Variants in SGCZ observed in about 807,000 individuals in gnomAD.
The protein encoded by SGCZ is sarcoglycan zeta.
In SGCZ, 40 loss-of-function variants were observed where a neutral mutation model predicts 41.3. The ratio of observed to expected loss-of-function variants is 0.97; its 90% CI spans 0.75 to 1.26. The LOEUF (loss-of-function observed/expected upper bound fraction) is 1.26. Ranked by LOEUF, SGCZ falls within the 50% of genes most tolerant of loss-of-function variation. SGCZ has a pLI of 0.00. For missense variants in SGCZ, 552 were observed against 369.8 expected, an observed-to-expected ratio of 1.49 and a Z score of -4.04; for synonymous variants, 206 against 137.5, an observed-to-expected ratio of 1.50 and a Z score of -3.49.
At chr8:14,409,758 A>T (rs1441583423) in intron 2 of SGCZ, among the ~76,000 whole-genome samples, 1 of 152,184 alleles carries the variant, frequency 6.6e-6, no homozygotes, top group Admixed American at 6.6e-5. Flanking sequence ...AAATCTACTG[A>T]TATACATATA....
intron 2 of SGCZ, among the ~76,000 whole-genome samples, chr8:14,522,106 G>A (rs1273174493): frequency 1.3e-5 from 2 of 152,140 alleles, no homozygotes; most frequent in South Asian, 2.1e-4. Context: ...TGAGTCCCTG[G>A]TAGAAACCTT....
chr8:14,762,512 A>G (rs1281985991), intron 1 of SGCZ, among the ~76,000 whole-genome samples: 1 of 152,234 alleles, frequency 6.6e-6, no homozygotes, highest in Non-Finnish European at 1.5e-5. Flanking sequence ...CCCAACATAT[A>G]GTAAGTACTG....
intron 1 of SGCZ, among the ~76,000 whole-genome samples, chr8:15,166,609 T>C (rs1480417995): frequency 6.6e-6 from 1 of 152,200 alleles, no homozygotes; most frequent in African/African-American, 2.4e-5. Context: ...TGCAAACTTA[T>C]ATGGGATTTC....
chr8:14,788,734 C>T (rs1321080928), intron 1 of SGCZ, among the ~76,000 whole-genome samples: 3 of 152,172 alleles, frequency 2.0e-5, no homozygotes, highest in South Asian at 2.1e-4. Flanking sequence ...TAGCAAATAC[C>T]GAACCATTGC....
intron 1 of SGCZ, among the ~76,000 whole-genome samples, 192 bp downstream of exon 1, chr8:15,237,375 CCGGGAGTGCAGCCTGGCT>C (rs1421874647): frequency 6.6e-5 from 10 of 152,192 alleles, no homozygotes; most frequent in Non-Finnish European, 4.4e-5. Context: ...GGCGCCCAGC[CCGGGAGTGCAGCCTGGCT>C]CGGGAGAACC....
At chr8:15,191,133 G>T (rs1323526596) in intron 1 of SGCZ, among the ~76,000 whole-genome samples, 1 of 151,932 alleles carries the variant, frequency 6.6e-6, no homozygotes, top group Non-Finnish European at 1.5e-5. Flanking sequence ...ATTGTGCAGT[G>T]CATATAAAAA....
intron 1 of SGCZ, among the ~76,000 whole-genome samples, chr8:14,568,503 G>A (rs1804452423): frequency 6.7e-6 from 1 of 149,424 alleles, no homozygotes; most frequent in African/African-American, 2.5e-5. Flanking sequence ...ACTTTTGGAG[G>A]ATTTATATGT....
chr8:14,247,387 C>A (rs564778805), intron 3 of SGCZ, among the ~76,000 whole-genome samples: 1 of 152,138 alleles, frequency 6.6e-6, no homozygotes, highest in Admixed American at 6.5e-5. Flanking sequence ...CAGAATGATG[C>A]TGCAGGGAGC....
chr8:14,518,449 T>C (rs577351088), intron 2 of SGCZ, among the ~76,000 whole-genome samples: 31 of 152,268 alleles, frequency 2.0e-4, no homozygotes, highest in Admixed American at 3.9e-4. Flanking sequence ...ATGTGTAATA[T>C]TGACAAACAT....
At chr8:14,622,864 A>G (rs549759613) in intron 1 of SGCZ, among the ~76,000 whole-genome samples, 8 of 152,304 alleles carry the variant, frequency 5.3e-5, no homozygotes, top group African/African-American at 1.9e-4. Flanking sequence ...ATGACAATTC[A>G]TTTTTTAATA....
chr8:14,376,647 A>G (rs186512504), intron 2 of SGCZ, among the ~76,000 whole-genome samples: 8 of 152,312 alleles, frequency 5.3e-5, no homozygotes, highest in African/African-American at 1.9e-4. Flanking sequence ...GAAGCTAAAA[A>G]AAAGGAGAGA....
At chr8:14,618,586 G>A (rs986458874) in intron 1 of SGCZ, among the ~76,000 whole-genome samples, 3 of 152,138 alleles carry the variant, frequency 2.0e-5, no homozygotes, top group Non-Finnish European at 4.4e-5. Context: ...GCAGTGTTTT[G>A]TACTCATTCA....
Position 14,309,319 on chromosome 8 carries a change from T to C in SGCZ, c.336+14784A>G, listed in dbSNP as rs987638321. ...CACTTTTTAAGGATGGTATTGAGAC[T>C]ATGTGGGAAGATGAGAAAAACAAAT... On this transcript the variant is annotated intron_variant, in intron 3 of 7. Transcript: ENST00000382080. 23 of 1,596,280 alleles carry C rather than the reference T, an allele frequency of 1.4e-5. 1 individual carries two copies. Among genetic ancestry groups the C allele is most frequent in the Admixed American group, 1.2e-4 (7 of 59,830 alleles).
At chr8:14,589,336 A>T (rs1805166731) in intron 1 of SGCZ, among the ~76,000 whole-genome samples, 1 of 109,678 alleles carries the variant, frequency 9.1e-6, no homozygotes, top group Non-Finnish European at 1.9e-5. Context: ...ACAGAGTGAG[A>T]CTCCATCTCA....
intron 1 of SGCZ, among the ~76,000 whole-genome samples, chr8:15,215,057 T>C (rs1271324702): frequency 2.6e-5 from 4 of 152,188 alleles, no homozygotes; most frequent in Non-Finnish European, 5.9e-5. Flanking sequence ...TAACATTTAA[T>C]CTTGAAACAA....
At chr8:14,578,562 G>GA (rs1459756462) in intron 1 of SGCZ, among the ~76,000 whole-genome samples, 1 of 152,208 alleles carries the variant, frequency 6.6e-6, no homozygotes, top group Non-Finnish European at 1.5e-5. Flanking sequence ...GGGAGGCTTG[G>GA]AAAAAAGTGA....
At chr8:14,539,391 A>C (rs1803390200) in intron 2 of SGCZ, among the ~76,000 whole-genome samples, 1 of 151,954 alleles carries the variant, frequency 6.6e-6, no homozygotes, top group African/African-American at 2.4e-5. Context: ...TGTCCTCAAT[A>C]AAATTAGGGA....
chr8:14,206,113 A>C (rs1465778245), intron 4 of SGCZ, among the ~76,000 whole-genome samples: 1 of 152,118 alleles, frequency 6.6e-6, no homozygotes, highest in Non-Finnish European at 1.5e-5. Flanking sequence ...TTTGATGTAC[A>C]AATAATTTTT....
At chr8:14,685,981 G>A (rs1366984431) in intron 1 of SGCZ, among the ~76,000 whole-genome samples, 1 of 152,052 alleles carries the variant, frequency 6.6e-6, no homozygotes, top group African/African-American at 2.4e-5. Flanking sequence ...ACCACAATAT[G>A]GTGGTCTAAA....
Sources: allele counts gnomAD v4.1 joint callset (sites outside exome capture counted in the v4.1 genomes callset), GRCh38; gene constraint gnomAD v4.1.1; transcripts MANE v1.5; gene names NCBI Gene and HGNC (gene_info 2026-07-23, HGNC 2026-07-21).